Variants in TNRC18 observed in about 807,000 individuals in gnomAD.
The protein encoded by TNRC18 is trinucleotide repeat containing 18.
In TNRC18, 69 loss-of-function variants were observed where a neutral mutation model predicts 226.7. The observed-to-expected ratio is 0.30, with a 90% CI of 0.25 to 0.37. The LOEUF (loss-of-function observed/expected upper bound fraction) is 0.37. TNRC18 is among the 10% of genes least tolerant of loss of function. TNRC18 has a pLI of 1.00. For missense variants in TNRC18, 4,754 were observed against 4,256.6 expected, an observed-to-expected ratio of 1.12 and a Z score of -3.25; for synonymous variants, 2,449 against 1,927.6, an observed-to-expected ratio of 1.27 and a Z score of -7.09.
At chr7:5,313,898 G>A (rs759305885) in intron 26 of TNRC18, 35 bp from the exon 27 acceptor site, 1 of 1,430,998 alleles carries the variant, frequency 7.0e-7, no homozygotes, top group African/African-American at 1.4e-5. Context: ...CTGGGGCGGG[G>A]GCTTCCTGGC....
chr7:5,348,084 C>T (rs1488875648), intron 17 of TNRC18, among the ~76,000 whole-genome samples: 1 of 152,226 alleles, frequency 6.6e-6, no homozygotes, highest in East Asian at 1.9e-4. Context: ...GTCCCCGGAG[C>T]CCAGCCCAGG....
chr7:5,374,987 T>G (rs1341640910), intron 9 of TNRC18, among the ~76,000 whole-genome samples: 1 of 152,050 alleles, frequency 6.6e-6, no homozygotes, highest in Non-Finnish European at 1.5e-5. Context: ...CGACCACCAA[T>G]GCCTACCTGG....
At position 5,313,540 on chromosome 7, in the gene TNRC18, G is replaced by A. The variant is rs1173855240; in HGVS notation, c.7351C>T (p.Pro2451Ser). 4 of 1,611,182 alleles carry A rather than the reference G, an allele frequency of 2.5e-6. No individual in the cohort carries two copies. The highest frequency in any genetic ancestry group is 1.7e-5 in the Admixed American group (1 of 59,690). ...TCGGCCTCCTCCCCCGGCCTCCGAG[G>A]GCCCTTGGCACCCGACTCCTCGGCT... Reference protein sequence around the residue: ...RAAEESGAKGPRRPGEEAELL... With the variant: ...RAAEESGAKGSRRPGEEAELL... The change falls in exon 27 of 30, where the codon CCT becomes TCT. Residue 2451 changes from proline (P) to serine (S), a missense_variant. By Grantham distance (74) the Pro-to-Ser change is moderately conservative (BLOSUM62 -1). Coordinates refer to ENST00000430969, the MANE Select transcript of TNRC18 (RefSeq NM_001080495.3).
chr7:5,390,744 T>C lies in TNRC18; in HGVS notation c.344-116A>G, dbSNP rs10233187. 0.56 allele frequency: 705,954 copies of C among 1,259,354 alleles called. 201,020 individuals are homozygous for C. Among genetic ancestry groups the C allele is most frequent in the East Asian group, 0.87 (32,724 of 37,600 alleles). The allele number at this position is 1,259,354 out of a possible 1,614,324, so 78.0% of individuals were successfully genotyped here. ...AGCCGACCGCTGGTACAGGGCGCCT[T>C]GAGGTTTAACAGCAGCTCCTCAGGG... is the stretch of plus-strand genomic sequence containing the variant. On this transcript the variant is annotated intron_variant, in intron 3 of 29. Transcript: ENST00000430969.
intron 24 of TNRC18, 48 bp from the exon 25 acceptor site, chr7:5,316,120 C>A: frequency 5.5e-6 from 8 of 1,456,334 alleles, no homozygotes; most frequent in Non-Finnish European, 7.6e-6. Context: ...CCTCCAGCTC[C>A]CTAGTGACGC....
At chr7:5,332,065 T>G (rs1280142325) in intron 19 of TNRC18, among the ~76,000 whole-genome samples, 1 of 152,214 alleles carries the variant, frequency 6.6e-6, no homozygotes, top group East Asian at 1.9e-4. Flanking sequence ...ATCACTGTCT[T>G]CCTTTGGGGT....
At position 5,388,289 on chromosome 7, in the gene TNRC18, G is replaced by A. The variant is rs1473246698; in HGVS notation, c.1535C>T (p.Pro512Leu). Residue 512 changes from proline (P) to leucine (L), a missense_variant, in exon 5 of 30, where the codon CCC becomes CTC. Physicochemically the swap from Pro to Leu is moderately conservative, Grantham distance 98 (BLOSUM62 -3). Transcript: ENST00000430969. ...PPTGPEHKWK[P>L]FELGNFAATQ... The stretch of plus-strand genomic sequence containing the variant: ...GGCGGCGAAGTTGCCCAGCTCGAAG[G>A]GTTTCCATTTATGCTCAGGGCCGGT... 35 of 1,608,550 alleles carry A rather than the reference G, an allele frequency of 2.2e-5. No homozygotes were observed. Among genetic ancestry groups the A allele is most frequent in the Non-Finnish European group, 2.9e-5 (34 of 1,178,154 alleles).
intron 18 of TNRC18, 45 bp downstream of exon 18, chr7:5,345,517 G>GCCACCCCCCCCCCCC: frequency 2.6e-6 from 1 of 377,744 alleles, no homozygotes; most frequent in Non-Finnish European, 4.8e-6. Flanking sequence ...AATGGCGTCC[G>GCCACCCCCCCCCCCC]CCCCTCCCAC....
chr7:5,339,844 A>G (rs1790512341), intron 18 of TNRC18, among the ~76,000 whole-genome samples: 1 of 151,970 alleles, frequency 6.6e-6, no homozygotes, highest in Admixed American at 6.6e-5. Context: ...TGCTGGGATG[A>G]CAGGCATGAG....
intron 18 of TNRC18, among the ~76,000 whole-genome samples, chr7:5,334,364 T>G (rs1181222204): frequency 6.6e-6 from 1 of 151,820 alleles, no homozygotes; most frequent in Non-Finnish European, 1.5e-5. Context: ...TGGCGTGATC[T>G]CGGCTCACTG....
intron 18 of TNRC18, among the ~76,000 whole-genome samples, chr7:5,345,247 C>T (rs1170083449): frequency 2.0e-5 from 3 of 152,246 alleles, no homozygotes; most frequent in Non-Finnish European, 4.4e-5. Context: ...CCACAAACCC[C>T]AGGCTGGGTC....
chr7:5,387,421 G>A (rs1779873670), intron 5 of TNRC18, among the ~76,000 whole-genome samples: 1 of 152,204 alleles, frequency 6.6e-6, no homozygotes, highest in Admixed American at 6.5e-5. Context: ...ACGAAGGTGC[G>A]ATGCACACAA....
chr7:5,371,572 C>A (rs1262828040), intron 10 of TNRC18, among the ~76,000 whole-genome samples: 1 of 152,204 alleles, frequency 6.6e-6, no homozygotes, highest in Non-Finnish European at 1.5e-5. Context: ...ACCTTCTTGT[C>A]CCCAAGGTCT....
At position 5,313,357 on chromosome 7, in the gene TNRC18, C is replaced by G. The variant is rs1266500532; in HGVS notation, c.7534G>C (p.Glu2512Gln). 8.3e-6 allele frequency: 13 copies of G among 1,565,018 alleles called. No individual in the cohort carries two copies. ...GCCTTGGGCCAGGGTGCCTTGGGCT[C>G]GCTGCTGCCGGCCGCGGGGGGATAG... is the stretch of plus-strand genomic sequence containing the variant. The part of the protein sequence containing the change: ...GSYPPAAGSS[E>Q]PKAPWPKATD... Residue 2512 changes from glutamate to glutamine, a missense_variant, in exon 27 of 30, where the codon GAG (glutamate) becomes CAG (glutamine). By Grantham distance (29) the Glu-to-Gln change is conservative. Coordinates refer to ENST00000430969, the MANE Select transcript of TNRC18 (RefSeq NM_001080495.3).
chr7:5,345,524 C>CCCCCCCCCCCCCCCCCCACCCA, intron 18 of TNRC18, 38 bp downstream of exon 18: 1 of 182,374 alleles, frequency 5.5e-6, no homozygotes, highest in Non-Finnish European at 1.2e-5. Flanking sequence ...TCCGCCCCTC[C>CCCCCCCCCCCCCCCCCCACCCA]CACCCACCCC....
At chr7:5,415,347 T>G (rs1308166427) in intron 2 of TNRC18, among the ~76,000 whole-genome samples, 6 of 151,356 alleles carry the variant, frequency 4.0e-5, no homozygotes, top group Non-Finnish European at 7.4e-5. Flanking sequence ...ACCATTTTGT[T>G]TACTGCGTGG....
intron 9 of TNRC18, among the ~76,000 whole-genome samples, chr7:5,375,116 C>T (rs1350740605): frequency 2.0e-5 from 3 of 151,884 alleles, no homozygotes; most frequent in Non-Finnish European, 4.4e-5. Flanking sequence ...ACCAGCCTGG[C>T]CAACATGGCG....
In TNRC18 at chr7:5,357,110, G is replaced by T. The variant is rs779864498; in HGVS notation, c.5000C>A (p.Thr1667Asn). 2 of 1,552,978 alleles carry T rather than the reference G, an allele frequency of 1.3e-6. No individual in the cohort carries two copies. The highest frequency in any genetic ancestry group is 2.0e-5 in the Admixed American group (1 of 51,014). The change falls in exon 16 of 30, where the codon ACT becomes AAT. Residue 1667 changes from threonine to asparagine, a missense_variant. By Grantham distance (65) the Thr-to-Asn change is moderately conservative. Coordinates refer to ENST00000430969, the MANE Select transcript of TNRC18 (RefSeq NM_001080495.3). ...CTTCCCCAGCAGGCTGTCGTAAGGA[G>T]TCAAGTACCTGCCGCAGCCCCCGCT... ...KTSGGCGRYL[T>N]PYDSLLGKNR...
At chr7:5,379,498 G>A (rs1282886670) in intron 5 of TNRC18, among the ~76,000 whole-genome samples, 6 of 151,434 alleles carry the variant, frequency 4.0e-5, no homozygotes, top group African/African-American at 7.3e-5. Context: ...AGATGCTACC[G>A]GGCTCACCCA....
Sources: allele counts gnomAD v4.1 joint callset (sites outside exome capture counted in the v4.1 genomes callset), GRCh38; gene constraint gnomAD v4.1.1; transcripts MANE v1.5; gene names NCBI Gene and HGNC (gene_info 2026-07-23, HGNC 2026-07-21).